The following NCK1 variants were observed in gnomAD, a reference collection of about 807,000 sequenced individuals.
The protein encoded by NCK1 is NCK adaptor protein 1.
In NCK1, 19 loss-of-function variants were observed where a neutral mutation model predicts 36.6. That is an observed-to-expected ratio of 0.52 (90% confidence interval 0.36 to 0.76). The LOEUF (loss-of-function observed/expected upper bound fraction) is 0.76. Among genes scored for constraint, NCK1 ranks in the 30% least tolerant of loss-of-function variants. NCK1 has a pLI of 0.00. For missense variants in NCK1, 358 were observed against 445.6 expected (o/e 0.80, Z 1.77); for synonymous variants, 165 against 156.0 (o/e 1.06, Z -0.43).
At chr3:136,877,465 A>T (rs1232090024) in intron 1 of NCK1, among the ~76,000 whole-genome samples, 3 of 152,218 alleles carry the variant, frequency 2.0e-5, no homozygotes, top group African/African-American at 7.2e-5. Context: ...AAGGATGTGT[A>T]TAGAGCCATG....
At chr3:136,909,827 A>G (rs940578962) in intron 1 of NCK1, among the ~76,000 whole-genome samples, 8 of 152,140 alleles carry the variant, frequency 5.3e-5, no homozygotes, top group African/African-American at 1.9e-4. Context: ...AATGTATAGT[A>G]TCCTTCCTTG....
chr3:136,874,213 T>C (rs1171067742), intron 1 of NCK1, among the ~76,000 whole-genome samples: 1 of 152,234 alleles, frequency 6.6e-6, no homozygotes, highest in African/African-American at 2.4e-5. Flanking sequence ...TCTTGCTCTG[T>C]CACCCAGGCT....
At chr3:136,891,112 A>G (rs1437302459) in intron 1 of NCK1, among the ~76,000 whole-genome samples, 2 of 152,208 alleles carry the variant, frequency 1.3e-5, no homozygotes, top group African/African-American at 4.8e-5. Context: ...ATCTATATTT[A>G]CCACATGTTG....
chr3:136,937,825 G>C (rs1177225925), intron 2 of NCK1, among the ~76,000 whole-genome samples: 1 of 152,140 alleles, frequency 6.6e-6, no homozygotes, highest in Non-Finnish European at 1.5e-5. Flanking sequence ...CTCTGTGTGA[G>C]TGTGTGGGTG....
At chr3:136,878,077 T>C (rs1392293106) in intron 1 of NCK1, among the ~76,000 whole-genome samples, 4 of 152,158 alleles carry the variant, frequency 2.6e-5, no homozygotes, top group African/African-American at 9.7e-5. Context: ...GACCACAGTA[T>C]TGTATGATAC....
At chr3:136,881,603 A>C (rs576081939) in intron 1 of NCK1, among the ~76,000 whole-genome samples, 7 of 152,188 alleles carry the variant, frequency 4.6e-5, no homozygotes, top group Non-Finnish European at 7.3e-5. Flanking sequence ...AAGTATATTC[A>C]CATTGTTGTA....
intron 1 of NCK1, among the ~76,000 whole-genome samples, chr3:136,891,512 CTATT>C (rs1390535904): frequency 6.6e-6 from 1 of 152,216 alleles, no homozygotes; most frequent in Non-Finnish European, 1.5e-5. Flanking sequence ...GTACAAGTAT[CTATT>C]TGAGTTCTCA....
rs1940916737 is a variant in NCK1 at position 136,949,440 on chromosome 3, T to A, written c.*987T>A. Reference sequence around the variant, plus strand: ...CTTTAAGTTTTGTTGATTGGGACACTAAAACTGATGTATACCTGAGGAAAA... The same window carrying A: ...CTTTAAGTTTTGTTGATTGGGACACAAAAACTGATGTATACCTGAGGAAAA... On this transcript the variant is annotated 3_prime_UTR_variant, in exon 4 of 4. Coordinates refer to ENST00000481752, the MANE Select transcript of NCK1 (RefSeq NM_001291999.2). The A allele has an allele frequency of 6.6e-6, 1 of 151,976 alleles. No homozygotes were observed. Among genetic ancestry groups the A allele is most frequent in the Non-Finnish European group, 1.5e-5 (1 of 67,882 alleles). The allele number at this position is 151,976 out of a possible 1,614,324, so 9.4% of individuals were successfully genotyped here.
At chr3:136,905,569 TC>T (rs1939662337) in intron 1 of NCK1, among the ~76,000 whole-genome samples, 1 of 151,902 alleles carries the variant, frequency 6.6e-6, no homozygotes, top group Admixed American at 6.6e-5. Context: ...TTCTCTTGTA[TC>T]TTACTGGGCT....
At chr3:136,867,052 CTT>C (rs577932121) in intron 1 of NCK1, among the ~76,000 whole-genome samples, 20 of 298 alleles carry the variant, frequency 0.067, no homozygotes, top group South Asian at 0.29. Flanking sequence ...GCTTGCTTTT[CTT>C]TCTTTCTTTC....
intron 1 of NCK1, among the ~76,000 whole-genome samples, chr3:136,870,083 A>G (rs1044199838): frequency 8.1e-4 from 108 of 133,428 alleles, no homozygotes; most frequent in Middle Eastern, 4.8e-3. Flanking sequence ...GCAGTGGCTC[A>G]TGCCTGTAAT....
intron 1 of NCK1, among the ~76,000 whole-genome samples, chr3:136,865,930 T>C (rs6797509): frequency 0.69 from 104,460 of 152,080 alleles, 36,135 homozygotes; most frequent in East Asian, 0.87. Context: ...TCTCTATGCG[T>C]GTAACAATAT....
intron 2 of NCK1, among the ~76,000 whole-genome samples, chr3:136,941,251 G>A (rs1397355864): frequency 6.6e-6 from 1 of 150,738 alleles, no homozygotes; most frequent in South Asian, 2.1e-4. Context: ...TCAGCCTCTC[G>A]AGTAGCTGGG....
rs894797546 is a variant in NCK1 at position 136,936,462 on chromosome 3, G to A, written c.226+8235G>A. ...GAACAGCGTTGTGATAAACATTCAT[G>A]TACAGTTATTGTTTGAATATCTATT... On this transcript the variant is annotated intron_variant, in intron 2 of 3. Transcript: ENST00000481752. 2.0e-5 allele frequency among the ~76,000 whole-genome samples: 3 copies of A among 152,294 alleles called. No individual in the cohort carries two copies. The East Asian group carries it at 5.8e-4, about 29-fold the overall frequency.
chr3:136,890,058 C>T (rs1172508825), intron 1 of NCK1, among the ~76,000 whole-genome samples: 1 of 152,094 alleles, frequency 6.6e-6, no homozygotes, highest in Non-Finnish European at 1.5e-5. Flanking sequence ...GAGGGTGGTC[C>T]TTGTTGGGGA....
chr3:136,921,006 T>C (rs942308723), intron 1 of NCK1, among the ~76,000 whole-genome samples: 1 of 152,210 alleles, frequency 6.6e-6, no homozygotes, highest in Non-Finnish European at 1.5e-5. Context: ...ATAATGTGAC[T>C]ATATTTGGAT....
At chr3:136,903,103 T>C (rs989589596) in intron 1 of NCK1, among the ~76,000 whole-genome samples, 2 of 152,224 alleles carry the variant, frequency 1.3e-5, no homozygotes, top group African/African-American at 4.8e-5. Flanking sequence ...GATCTAATAA[T>C]ACTTGCTTTA....
chr3:136,877,673 C>T (rs777536280), intron 1 of NCK1, among the ~76,000 whole-genome samples: 6 of 152,092 alleles, frequency 3.9e-5, no homozygotes, highest in African/African-American at 7.2e-5. Context: ...AAAGAAAAGA[C>T]GGCAACAATA....
chr3:136,927,933 G>T, intron 1 of NCK1, 51 bp from the exon 2 acceptor site: 1 of 1,287,758 alleles, frequency 7.8e-7, no homozygotes, highest in South Asian at 1.3e-5. Context: ...AAAAGCATGT[G>T]AACTAATACT....
Sources: allele counts gnomAD v4.1 joint callset (sites outside exome capture counted in the v4.1 genomes callset), GRCh38; gene constraint gnomAD v4.1.1; transcripts MANE v1.5; gene names NCBI Gene and HGNC (gene_info 2026-07-23, HGNC 2026-07-21).